The following EYA1 variants were observed in gnomAD, a reference collection of about 807,000 sequenced individuals.
EYA1 encodes the protein protein phosphatase EYA1.
Under a neutral mutation model 82.0 loss-of-function variants are expected in EYA1, and 16 were observed. That is an observed-to-expected ratio of 0.20 (90% CI 0.13 to 0.30). The LOEUF is 0.30. Among genes scored for constraint, EYA1 ranks in the 10% least tolerant of loss-of-function variants. The pLI is 1.00. For missense variants in EYA1, 633 were observed against 730.7 expected (o/e 0.87, Z 1.54); for synonymous variants, 261 against 264.4 (o/e 0.99, Z 0.12).
intron 11 of EYA1, among the ~76,000 whole-genome samples, chr8:71,254,636 C>T (rs1333424331): frequency 6.6e-6 from 1 of 152,150 alleles, no homozygotes; most frequent in Non-Finnish European, 1.5e-5. Context: ...TGGTAAATGT[C>T]TGAAAGTTTT....
At chr8:71,270,802 T>C (rs1278170661) in intron 10 of EYA1, among the ~76,000 whole-genome samples, 2 of 152,156 alleles carry the variant, frequency 1.3e-5, no homozygotes, top group South Asian at 2.1e-4. Context: ...TTTCTCAATA[T>C]ATATAAGTGT....
chr8:71,474,500 CTATAT>C (rs1411135547), intron 2 of EYA1, among the ~76,000 whole-genome samples: 7 of 152,254 alleles, frequency 4.6e-5, no homozygotes, highest in African/African-American at 1.7e-4. Context: ...ACCTAGAGAA[CTATAT>C]TATCAAGATC....
At chr8:71,367,820 G>A (rs1827843432) in intron 2 of EYA1, among the ~76,000 whole-genome samples, 2 of 152,154 alleles carry the variant, frequency 1.3e-5, no homozygotes, top group African/African-American at 4.8e-5. Flanking sequence ...GTATACTATG[G>A]TGTGAGGGTT....
intron 9 of EYA1, among the ~76,000 whole-genome samples, chr8:71,276,584 G>GT (rs1024477093): frequency 2.6e-5 from 4 of 152,112 alleles, no homozygotes; most frequent in African/African-American, 9.7e-5. Context: ...AAGTTCTGTG[G>GT]TTTTTACTCC....
rs1476986930 is a variant in EYA1, at chr8:71,361,942, G to C, written c.-350C>G. 2.0e-6 allele frequency: 2 copies of C among 985,348 alleles called. No homozygotes were observed. Among genetic ancestry groups the C allele is most frequent in the South Asian group, 4.7e-5 (1 of 21,298 alleles). 61.0% of individuals were successfully genotyped at this position (985,348 alleles called of 1,614,324 possible). A position where few individuals can be genotyped will look rare whatever the true frequency, so the allele number is the denominator to read the frequency against. On this transcript the variant is annotated 5_prime_UTR_variant, in exon 1 of 18. Transcript: ENST00000340726. ...ACGGCAACAGGAAGGCTTAAAGTCG[G>C]AAGTGGCACTGGAGAGTTTCTACCT...
chr8:71,250,326 G>T (rs946705568), intron 11 of EYA1, among the ~76,000 whole-genome samples: 1 of 152,142 alleles, frequency 6.6e-6, no homozygotes, highest in East Asian at 1.9e-4. Flanking sequence ...GTCCACACAG[G>T]TTCATGAACC....
intron 2 of EYA1, among the ~76,000 whole-genome samples, chr8:71,433,959 GAAGA>G (rs1805815751): frequency 1.3e-5 from 2 of 152,332 alleles, no homozygotes; most frequent in South Asian, 4.1e-4. Flanking sequence ...TAGCTCAATT[GAAGA>G]AAGATAGTGG....
chr8:71,487,215 A>G (rs968602600), intron 2 of EYA1, among the ~76,000 whole-genome samples: 10 of 152,082 alleles, frequency 6.6e-5, no homozygotes, highest in Non-Finnish European at 1.0e-4. Flanking sequence ...TGTAGCTCAC[A>G]TATTATTTAA....
At chr8:71,284,836 C>T (rs1367528396) in intron 9 of EYA1, among the ~76,000 whole-genome samples, 1 of 152,216 alleles carries the variant, frequency 6.6e-6, no homozygotes, top group Admixed American at 6.5e-5. Context: ...CTTTCACATC[C>T]TCCAATGCTG....
At chr8:71,327,505 A>T (rs747381508) in intron 4 of EYA1, among the ~76,000 whole-genome samples, 9 of 152,230 alleles carry the variant, frequency 5.9e-5, no homozygotes, top group African/African-American at 9.6e-5. Context: ...CTTAAAATTT[A>T]AATCATTAAA....
chr8:71,260,696 T>C (rs1270500223), intron 11 of EYA1, among the ~76,000 whole-genome samples: 1 of 152,186 alleles, frequency 6.6e-6, no homozygotes. Flanking sequence ...TCCTAAACTC[T>C]CTCTGTACTA....
chr8:71,208,337 C>T (rs1479363059), intron 17 of EYA1, among the ~76,000 whole-genome samples: 3 of 152,100 alleles, frequency 2.0e-5, no homozygotes, highest in Non-Finnish European at 4.4e-5. Flanking sequence ...GAGACTGAGG[C>T]AGGAGAATCA....
chr8:71,283,755 T>C (rs1489108578), intron 9 of EYA1, among the ~76,000 whole-genome samples: 2 of 152,070 alleles, frequency 1.3e-5, no homozygotes, highest in Non-Finnish European at 2.9e-5. Context: ...CTCAACTGAT[T>C]GAAACAGTGC....
At chr8:71,382,908 T>G (rs1828784958) in intron 2 of EYA1, among the ~76,000 whole-genome samples, 2 of 152,104 alleles carry the variant, frequency 1.3e-5, no homozygotes, top group South Asian at 4.1e-4. Context: ...TCAGTCCACA[T>G]TTTGGAAGAA....
chr8:71,299,007 A>T (rs930311786), intron 9 of EYA1, 40 bp downstream of exon 9: 1 of 1,592,248 alleles, frequency 6.3e-7, no homozygotes, highest in Non-Finnish European at 8.6e-7. Flanking sequence ...GAAACCATTG[A>T]AAATATCACC....
At chr8:71,378,093 T>A (rs80243543) in intron 2 of EYA1, among the ~76,000 whole-genome samples, 6,503 of 152,158 alleles carry the variant, frequency 0.043, 455 homozygotes, top group African/African-American at 0.15. Context: ...GAGATGCAAG[T>A]GGTAACCAAA....
intron 2 of EYA1, among the ~76,000 whole-genome samples, chr8:71,401,086 T>C (rs2129127028): frequency 6.6e-6 from 1 of 152,216 alleles, no homozygotes; most frequent in East Asian, 1.9e-4. Context: ...AGCTGAACAA[T>C]GAGAACACAT....
intron 9 of EYA1, among the ~76,000 whole-genome samples, chr8:71,282,081 T>C (rs559834726): frequency 6.6e-6 from 1 of 152,326 alleles, no homozygotes; most frequent in African/African-American, 2.4e-5. Flanking sequence ...AACCACTCTC[T>C]CTACTCTCCT....
At chr8:71,263,245 CT>C (rs2128935501) in intron 11 of EYA1, among the ~76,000 whole-genome samples, 1 of 152,314 alleles carries the variant, frequency 6.6e-6, no homozygotes, top group African/African-American at 2.4e-5. Flanking sequence ...AGGTGTGTGC[CT>C]GTCTCAGCCT....
Sources: allele counts gnomAD v4.1 joint callset (sites outside exome capture counted in the v4.1 genomes callset), GRCh38; gene constraint gnomAD v4.1.1; transcripts MANE v1.5; gene names NCBI Gene and HGNC (gene_info 2026-07-23, HGNC 2026-07-21).